Variants in PTPRN2 observed in about 807,000 individuals in gnomAD.
The protein encoded by PTPRN2 is protein tyrosine phosphatase receptor type N2.
A neutral mutation model predicts 118.8 loss-of-function variants in PTPRN2; 74 were observed. That is an observed-to-expected ratio of 0.62 (90% CI 0.52 to 0.76). The LOEUF (loss-of-function observed/expected upper bound fraction) is 0.76, where lower values mean the gene tolerates loss of function less well. Among genes scored for constraint, PTPRN2 ranks in the 30% least tolerant of loss-of-function variants. The probability of loss-of-function intolerance (pLI) is 0.00; values close to 1 mark genes in which losing one functional copy is unlikely to be tolerated. For missense variants in PTPRN2, 1,481 were observed against 1,394.4 expected (o/e 1.06, Z -0.99); for synonymous variants, 641 against 608.0 (o/e 1.05, Z -0.80).
rs111991781 is a variant in PTPRN2 at position 157,893,911 on chromosome 7, G to A, written c.1788+4762C>T. ...CTTGAAGGGAACAGAGATGGCCGTCGCGCCCAGTGAGAGCAGAAAGCAATG... is the reference window on the plus strand; with the variant it reads ...CTTGAAGGGAACAGAGATGGCCGTCACGCCCAGTGAGAGCAGAAAGCAATG... On this transcript the variant is annotated intron_variant, in intron 12 of 22. Transcript: ENST00000389418. The surrounding 1 kb of genome is among the most constrained non-coding windows in gnomAD (Gnocchi z 4.0). 1.0e-2 allele frequency among the ~76,000 whole-genome samples: 1,522 copies of A among 152,252 alleles called. 24 individuals carry two copies. The highest frequency in any genetic ancestry group is 0.035 in the African/African-American group (1,461 of 41,528).
At chr7:157,908,992 T>A (rs1331063641) in intron 11 of PTPRN2, among the ~76,000 whole-genome samples, 1 of 152,156 alleles carries the variant, frequency 6.6e-6, no homozygotes, top group Non-Finnish European at 1.5e-5. Flanking sequence ...ATGAAGATCG[T>A]CATTAAACAA....
intron 2 of PTPRN2, among the ~76,000 whole-genome samples, chr7:158,320,569 C>T (rs1163103378): frequency 2.4e-5 from 2 of 82,514 alleles, no homozygotes; most frequent in Admixed American, 1.2e-4. Context: ...GGGTGGCGTC[C>T]GTGTTCCCAC....
chr7:158,066,680 C>T (rs942596947), intron 11 of PTPRN2, among the ~76,000 whole-genome samples: 1 of 152,146 alleles, frequency 6.6e-6, no homozygotes, highest in Non-Finnish European at 1.5e-5. Flanking sequence ...TGGTGACTCT[C>T]ACCTGGTGAA....
intron 6 of PTPRN2, among the ~76,000 whole-genome samples, chr7:158,146,849 C>T (rs547136643): frequency 3.3e-5 from 5 of 151,998 alleles, no homozygotes; most frequent in African/African-American, 1.2e-4. Context: ...AGAGACTTGA[C>T]CAATGGATAG....
intron 12 of PTPRN2, among the ~76,000 whole-genome samples, chr7:157,701,696 A>G (rs1798073837): frequency 6.6e-6 from 1 of 152,236 alleles, no homozygotes; most frequent in Non-Finnish European, 1.5e-5. Flanking sequence ...GGTTCTAGGT[A>G]TGAAAGCTTC....
intron 2 of PTPRN2, among the ~76,000 whole-genome samples, chr7:158,435,515 G>C (rs1162113062): frequency 6.6e-6 from 1 of 152,116 alleles, no homozygotes; most frequent in East Asian, 1.9e-4. Flanking sequence ...ACAGTATACA[G>C]GTTCCTCAAA....
chr7:158,585,988 C>A (rs1828885488), intron 1 of PTPRN2, among the ~76,000 whole-genome samples: 1 of 152,208 alleles, frequency 6.6e-6, no homozygotes, highest in Non-Finnish European at 1.5e-5. Context: ...CAGGAGGAGG[C>A]AGAGTGAGCA....
intron 2 of PTPRN2, among the ~76,000 whole-genome samples, chr7:158,461,840 A>G (rs924022468): frequency 6.6e-6 from 1 of 152,210 alleles, no homozygotes; most frequent in Non-Finnish European, 1.5e-5. Flanking sequence ...TTTCACCCAC[A>G]TTTTAAAAAC....
chr7:158,123,454 C>T (rs183785739), intron 9 of PTPRN2, among the ~76,000 whole-genome samples: 6 of 152,128 alleles, frequency 3.9e-5, no homozygotes, highest in African/African-American at 1.4e-4. Context: ...CCCTGCACGC[C>T]CACTCTCTTC....
intron 2 of PTPRN2, among the ~76,000 whole-genome samples, chr7:158,421,180 G>A (rs1815214418): frequency 6.6e-6 from 1 of 152,136 alleles, no homozygotes. Context: ...CATTCTGGCT[G>A]GTGGTCCCCT....
chr7:157,543,978 G>A (rs971804171), intron 22 of PTPRN2, among the ~76,000 whole-genome samples: 1 of 152,118 alleles, frequency 6.6e-6, no homozygotes, highest in African/African-American at 2.4e-5. Flanking sequence ...GATGGAGAGA[G>A]ACAGAGAGAG....
At chr7:157,952,472 A>T in intron 11 of PTPRN2, among the ~76,000 whole-genome samples, 1 of 123,992 alleles carries the variant, frequency 8.1e-6, no homozygotes. Context: ...GGGGTGGGGG[A>T]CACAGGGAGA....
Position 157,784,289 on chromosome 7 carries a change from C to G in PTPRN2, c.1789-101352G>C, listed in dbSNP as rs1803877367. Reference sequence around the variant, plus strand: ...GGAGGCCAAGTGGGGGGCCTGCCCCCACCTCTGGGGTCTCAGCATCTGCAC... The same window carrying G: ...GGAGGCCAAGTGGGGGGCCTGCCCCGACCTCTGGGGTCTCAGCATCTGCAC... On this transcript the variant is annotated intron_variant, in intron 12 of 22. Transcript: ENST00000389418. This position sits in a 1 kb window ranked among gnomAD's most constrained non-coding sequence, Gnocchi z 4.6. 6.6e-6 allele frequency among the ~76,000 whole-genome samples: 1 copy of G among 152,136 alleles called. No homozygotes were observed. The highest frequency in any genetic ancestry group is 6.5e-5 in the Admixed American group (1 of 15,284).
chr7:157,814,184 C>G (rs1806240067), intron 12 of PTPRN2, among the ~76,000 whole-genome samples: 1 of 152,232 alleles, frequency 6.6e-6, no homozygotes, highest in South Asian at 2.1e-4. Context: ...TCCATCTTGA[C>G]AGGCAGGCGA....
chr7:158,414,156 AGTGAGTACC>A (rs1814440107), intron 2 of PTPRN2, among the ~76,000 whole-genome samples: 1 of 151,774 alleles, frequency 6.6e-6, no homozygotes, highest in Non-Finnish European at 1.5e-5. Flanking sequence ...TCCTCTACCA[AGTGAGTACC>A]GTGCACTTCC....
chr7:158,328,780 G>A (rs757309359), intron 2 of PTPRN2, among the ~76,000 whole-genome samples: 5 of 134,730 alleles, frequency 3.7e-5, no homozygotes, highest in Non-Finnish European at 6.2e-5. Flanking sequence ...GTCACTAGGA[G>A]CGGGGCCTCC....
chr7:158,311,004 G>A (rs1397184028), intron 3 of PTPRN2, among the ~76,000 whole-genome samples: 1 of 152,216 alleles, frequency 6.6e-6, no homozygotes, highest in Non-Finnish European at 1.5e-5. Context: ...GTCGGGTAGG[G>A]GGTGGATCTC....
At chr7:157,818,803 C>T (rs975575439) in intron 12 of PTPRN2, among the ~76,000 whole-genome samples, 51 of 152,238 alleles carry the variant, frequency 3.4e-4, no homozygotes, top group African/African-American at 1.0e-3. Flanking sequence ...TCATTAATTA[C>T]GTGTGGAGAA....
At chr7:158,281,575 C>T (rs1271094218) in intron 3 of PTPRN2, among the ~76,000 whole-genome samples, 1 of 152,196 alleles carries the variant, frequency 6.6e-6, no homozygotes, top group Non-Finnish European at 1.5e-5. Context: ...TGGAAATGCT[C>T]GGGTGTGTGG....
Sources: gnomAD v4.1 joint callset for allele counts (sites outside exome capture counted in the v4.1 genomes callset) on GRCh38, gnomAD v4.1.1 for gene constraint, Gnocchi (gnomAD v3.1) non-coding constraint, MANE v1.5 for transcripts, NCBI Gene and HGNC (gene_info 2026-07-23, HGNC 2026-07-21) for gene names.